Variants in KRT77 observed in about 807,000 individuals in gnomAD.
KRT77 encodes the protein keratin, type II cytoskeletal 1b.
Under a neutral mutation model 51.5 loss-of-function variants are expected in KRT77, and 44 were observed. The ratio of observed to expected loss-of-function variants is 0.85; its 90% CI spans 0.67 to 1.10. The LOEUF is 1.10. Among genes scored for constraint, KRT77 ranks in the 50% least tolerant of loss-of-function variants. The pLI is 0.00. For missense variants in KRT77, 763 were observed against 743.9 expected (o/e 1.03, Z -0.30); for synonymous variants, 293 against 302.0 (o/e 0.97, Z 0.31).
intron 1 of KRT77, among the ~76,000 whole-genome samples, chr12:52,701,804 G>A (rs891858446): frequency 6.6e-6 from 1 of 152,176 alleles, no homozygotes; most frequent in African/African-American, 2.4e-5. Context: ...TGAGCCAAAA[G>A]GGGAAACTCA....
intron 1 of KRT77, among the ~76,000 whole-genome samples, chr12:52,698,581 G>A (rs1188684136): frequency 2.6e-5 from 4 of 152,226 alleles, no homozygotes; most frequent in Non-Finnish European, 5.9e-5. Flanking sequence ...GGGAAATGGA[G>A]AGTGGACATC....
Position 52,695,812 on chromosome 12 carries a change from A to G in KRT77, c.875T>C (p.Leu292Pro). ...TTTCAAGAAATTGACCTCCCCAGTCAGAGTGTCCACCCTGGACTCCAGGTC... is the reference window on the plus strand; with the variant it reads ...TTTCAAGAAATTGACCTCCCCAGTCGGAGTGTCCACCCTGGACTCCAGGTC... ...KVDLESRVDT[L>P]TGEVNFLKYL... The change falls in exon 4 of 9, where the codon CTG (leucine) becomes CCG (proline). Residue 292 changes from leucine to proline, a missense_variant. By Grantham distance (98) the Leu-to-Pro change is moderately conservative (BLOSUM62 -3). Transcript: ENST00000341809. 6.2e-7 allele frequency: 1 copy of G among 1,614,046 alleles called. No individual in the cohort carries two copies. Among genetic ancestry groups the G allele is most frequent in the South Asian group, 1.1e-5 (1 of 91,082 alleles).
In KRT77 at chr12:52,691,130, A is replaced by C. The variant is rs758490637; in HGVS notation, c.*35T>G. Reference sequence around the variant, plus strand: ...GGAGGAGTTTGAGGAGAGGGCGGTGAGGGGCAGGCGTGATGTGTGGCAGAA... The same window carrying C: ...GGAGGAGTTTGAGGAGAGGGCGGTGCGGGGCAGGCGTGATGTGTGGCAGAA... On this transcript the variant is annotated 3_prime_UTR_variant, in exon 9 of 9. Coordinates refer to ENST00000341809, the MANE Select transcript of KRT77 (RefSeq NM_175078.3). 8.7e-6 allele frequency: 14 copies of C among 1,613,580 alleles called. No individual in the cohort carries two copies. Among genetic ancestry groups the C allele is most frequent in the Non-Finnish European group, 1.0e-5 (12 of 1,179,762 alleles).
chr12:52,703,423 T>C lies in KRT77; in HGVS notation c.12A>G (p.Gln4=), dbSNP rs374294413. The change falls in exon 1 of 9, where the codon CAA becomes CAG. Residue 4 remains glutamine (Q), a synonymous_variant. Transcript: ENST00000341809. ...AACTAAACGCGGACTGAGAACTAAA[T>C]TGGTGGCTCATGTTTGCTGGAGCAT... MSH[Q]FSSQSAFSSM... 5.7e-6 allele frequency: 9 copies of C among 1,580,372 alleles called. No homozygotes were observed. The highest frequency in any genetic ancestry group is 2.3e-5 in the East Asian group (1 of 44,276).
rs749138419 is a variant in KRT77, at chr12:52,691,252, T to G, written c.1650A>C (p.Gly550=). 3 of 1,610,742 alleles carry G rather than the reference T, an allele frequency of 1.9e-6. No individual in the cohort carries two copies. Among genetic ancestry groups the G allele is most frequent in the Middle Eastern group, 1.7e-4 (1 of 6,048 alleles). Residue 550 remains glycine, a synonymous_variant, in exon 9 of 9, where the codon GGA becomes GGC. Transcript: ENST00000341809. ...SGCGGGGGSY[G]GSGRSGRGSS... is the part of the protein sequence containing the mutation. ...ATCCGCGGCCGCTTCTGCCGCTCCC[T>G]CCGTAGCTCCCGCCACCGCCGCCGC...
chr12:52,701,653 C>T (rs1941888775), intron 1 of KRT77, among the ~76,000 whole-genome samples: 1 of 152,228 alleles, frequency 6.6e-6, no homozygotes, highest in Admixed American at 6.5e-5. Context: ...GACCTCCAGA[C>T]AAAAGGAGAT....
Position 52,694,682 on chromosome 12 carries a change from A to G in KRT77, c.1024T>C (p.Tyr342His), listed in dbSNP as rs767640724. 5.0e-6 allele frequency: 8 copies of G among 1,613,660 alleles called. No homozygotes were observed. The East Asian group carries it at 1.8e-4, about 36-fold the overall frequency. Residue 342 changes from tyrosine (Y) to histidine (H), a missense_variant, in exon 5 of 9, where the codon TAT (tyrosine) becomes CAT (histidine). By Grantham distance (83) the Tyr-to-His change is moderately conservative. Coordinates refer to ENST00000341809, the MANE Select transcript of KRT77 (RefSeq NM_175078.3). ...TTGCTCCTCTGTGCAATCAGTTCAT[A>G]CTGGGTCCGCACTGCATCGATGATG... ...DSIIDAVRTQ[Y>H]ELIAQRSKDE...
chr12:52,691,411 G>A lies in KRT77; in HGVS notation c.1491C>T (p.Asn497=), dbSNP rs772426229. 6.4e-5 allele frequency: 102 copies of A among 1,597,258 alleles called. No individual in the cohort carries two copies. The highest frequency in any genetic ancestry group is 8.0e-5 in the Non-Finnish European group (94 of 1,176,040). Residue 497 remains asparagine (N), a synonymous_variant, in exon 9 of 9, where the codon AAC becomes AAT. Coordinates refer to ENST00000341809, the MANE Select transcript of KRT77 (RefSeq NM_175078.3). ...ISVQNSQVSV[N]GGAGGGGSYG... is the part of the protein sequence containing the mutation. ...AGCTGCCGCCGCCTCCCGCGCCGCC[G>A]TTGACGCTCACCTGGCTGTTCTGCA...
In KRT77 at chr12:52,692,540, C is replaced by T. The variant is rs1331132248; in HGVS notation, c.1308G>A (p.Gln436=). 3 of 1,611,812 alleles carry T rather than the reference C, an allele frequency of 1.9e-6. No individual in the cohort carries two copies. The highest frequency in any genetic ancestry group is 2.5e-6 in the Non-Finnish European group (3 of 1,178,216). The change falls in exon 7 of 9, where the codon CAG becomes CAA. Residue 436 remains glutamine, a synonymous_variant. Coordinates refer to ENST00000341809, the MANE Select transcript of KRT77 (RefSeq NM_175078.3). ...QKLQDLEEAL[Q]QSKEELARLL... The stretch of plus-strand genomic sequence containing the variant: ...GCCGGGCCAGCTCCTCCTTGGACTG[C>T]TGCAGGGCCTCCTCCAGGTCCTGCA...
rs1159863061 is a variant in KRT77, at chr12:52,692,734, C to G, written c.1206+21G>C. ...TAGGAGGTGCAGGGCTTGGTCAGCC[C>G]TCCCTAAGCACCCGTCCCACCTGCT... On this transcript the variant is annotated intron_variant, in intron 6 of 8. Coordinates refer to ENST00000341809, the MANE Select transcript of KRT77 (RefSeq NM_175078.3). 1.9e-6 allele frequency: 3 copies of G among 1,602,932 alleles called. No homozygotes were observed. In the African/African-American group the frequency reaches 4.0e-5, roughly 21 times the overall value.
At position 52,694,632 on chromosome 12, in the gene KRT77, C is replaced by T. The variant is rs770767803; in HGVS notation, c.1074G>A (p.Gln358=). 12 of 1,597,734 alleles carry T rather than the reference C, an allele frequency of 7.5e-6. No individual in the cohort carries two copies. Among genetic ancestry groups the T allele is most frequent in the Non-Finnish European group, 9.4e-6 (11 of 1,169,880 alleles). The change falls in exon 5 of 9, where the codon CAG becomes CAA. Residue 358 remains glutamine, a synonymous_variant. Coordinates refer to ENST00000341809, the MANE Select transcript of KRT77 (RefSeq NM_175078.3). ...RSKDEAEALY[Q]TKYQELQITA... is the part of the protein sequence containing the mutation. ...ATCTGGGGGCCACGCCCACCTTGGT[C>T]TGGTACAGGGCTTCGGCCTCGTCCT...
intron 4 of KRT77, 52 bp downstream of exon 4, chr12:52,695,720 T>C (rs1347426600): frequency 1.5e-6 from 2 of 1,307,660 alleles, no homozygotes; most frequent in East Asian, 2.3e-5. Flanking sequence ...CAGCCCATAC[T>C]CCTTGTGAGA....
chr12:52,694,752 G>A lies in KRT77; in HGVS notation c.954C>T (p.Asn318=), dbSNP rs201038307. Residue 318 remains asparagine, a synonymous_variant, in exon 5 of 9, where the codon AAC becomes AAT. Coordinates refer to ENST00000341809, the MANE Select transcript of KRT77 (RefSeq NM_175078.3). The stretch of plus-strand genomic sequence containing the variant: ...GGTTATTGTCCATGGACAGGATGAC[G>A]TTGGTGTCGCTGATGTGAGTCTGCA... The part of the protein sequence containing the change: ...SQVQTHISDT[N]VILSMDNNRS... The A allele has an allele frequency of 3.7e-6, 6 of 1,611,708 alleles. No homozygotes were observed. The highest frequency in any genetic ancestry group is 1.7e-5 in the Admixed American group (1 of 59,936).
rs557265317 is a variant in KRT77, at chr12:52,690,478, C to G, written c.*687G>C. Reference sequence around the variant, plus strand: ...TATGGACCAAGAGGCAGGAATAGGCCGCTGGTGCAGAGGTTTTCCTTACCA... The same window carrying G: ...TATGGACCAAGAGGCAGGAATAGGCGGCTGGTGCAGAGGTTTTCCTTACCA... On this transcript the variant is annotated 3_prime_UTR_variant, in exon 9 of 9. Coordinates refer to ENST00000341809, the MANE Select transcript of KRT77 (RefSeq NM_175078.3). 1 of 155,340 alleles carries G rather than the reference C, an allele frequency of 6.4e-6. No individual in the cohort carries two copies. The highest frequency in any genetic ancestry group is 1.9e-4 in the East Asian group (1 of 5,186). 9.6% of individuals were successfully genotyped at this position (155,340 alleles called of 1,614,324 possible).
At chr12:52,692,995 G>T in intron 5 of KRT77, 115 bp from the exon 6 acceptor site, 2 of 1,243,616 alleles carry the variant, frequency 1.6e-6, no homozygotes, top group Admixed American at 2.1e-5. Context: ...TTGCACTGTG[G>T]TCACCCCTAC....
At position 52,695,265 on chromosome 12, in the gene KRT77, A is replaced by G. The variant is rs1443059558; in HGVS notation, c.916-475T>C. 5.5e-5 allele frequency: 9 copies of G among 163,804 alleles called. No homozygotes were observed. The East Asian group carries it at 1.5e-3, about 28-fold the overall frequency. 10.1% of individuals were successfully genotyped at this position (163,804 alleles called of 1,614,324 possible). ...GTTTTCCCATCTGTAGAATGGAGAT[A>G]CCCATAACATAAACTTCTAACACAG... On this transcript the variant is annotated intron_variant, in intron 4 of 8. Transcript: ENST00000341809.
chr12:52,702,229 C>T (rs941707443), intron 1 of KRT77, among the ~76,000 whole-genome samples: 1 of 152,180 alleles, frequency 6.6e-6, no homozygotes, highest in African/African-American at 2.4e-5. Flanking sequence ...TAATTCTCTC[C>T]CCTTTAGACG....
rs1277844424 is a variant in KRT77 at position 52,694,794 on chromosome 12, C to T, written c.916-4G>A. ...GAGTCTGCACCTGAGACAGCTCCTG[C>T]GAGGCATGGCGCACAGGCTGACTCC... On this transcript the variant is annotated splice_region_variant and splice_polypyrimidine_tract_variant and intron_variant, in intron 4 of 8. Transcript: ENST00000341809. The T allele has an allele frequency of 5.0e-6, 8 of 1,593,816 alleles. No individual in the cohort carries two copies. Among genetic ancestry groups the T allele is most frequent in the East Asian group, 2.3e-5 (1 of 44,242 alleles).
chr12:52,698,207 A>C, intron 1 of KRT77: 1 of 1,260,530 alleles, frequency 7.9e-7, no homozygotes, highest in Non-Finnish European at 1.0e-6. Flanking sequence ...TGCCAACGTA[A>C]GGAAATGGTG....
Sources: gnomAD v4.1 joint callset for allele counts (sites outside exome capture counted in the v4.1 genomes callset) on GRCh38, gnomAD v4.1.1 for gene constraint, MANE v1.5 for transcripts, NCBI Gene and HGNC (gene_info 2026-07-23, HGNC 2026-07-21) for gene names.